Variants in CTNNA3 observed in about 807,000 individuals in gnomAD.
CTNNA3 encodes catenin alpha-3.
In CTNNA3, 76 loss-of-function variants were observed where a neutral mutation model predicts 95.7. That is an observed-to-expected ratio of 0.79 (90% CI 0.66 to 0.96). The LOEUF is 0.96. Ranked by LOEUF, CTNNA3 falls within the 40% of genes least tolerant of loss-of-function variation. The pLI, the probability that CTNNA3 is intolerant of heterozygous loss-of-function variation, is 0.00. For synonymous variants in CTNNA3, 431 were observed against 374.4 expected, an observed-to-expected ratio of 1.15 and a Z score of -1.74; for missense variants, 1,191 against 1,089.8, an observed-to-expected ratio of 1.09 and a Z score of -1.31.
intron 17 of CTNNA3, among the ~76,000 whole-genome samples, chr10:65,961,208 T>C (rs1670169): frequency 0.33 from 50,155 of 151,948 alleles, 8,482 homozygotes; most frequent in Admixed American, 0.42. Flanking sequence ...AAGTATCTCT[T>C]TCTTTCTTTC....
chr10:66,143,470 C>G (rs1640689885), intron 13 of CTNNA3, among the ~76,000 whole-genome samples: 1 of 152,130 alleles, frequency 6.6e-6, no homozygotes, highest in Admixed American at 6.6e-5. Context: ...TCAAATATAT[C>G]ATCCCTCTGT....
At chr10:67,164,776 A>G (rs1312175758) in intron 7 of CTNNA3, among the ~76,000 whole-genome samples, 1 of 152,190 alleles carries the variant, frequency 6.6e-6, no homozygotes, top group Non-Finnish European at 1.5e-5. Flanking sequence ...ACAGCAAATA[A>G]ACACATGAAA....
chr10:67,053,806 T>C (rs1408941624), intron 7 of CTNNA3, among the ~76,000 whole-genome samples: 1 of 152,200 alleles, frequency 6.6e-6, no homozygotes, highest in East Asian at 1.9e-4. Context: ...CCCATTGAGA[T>C]TAATCTTTTG....
At chr10:66,399,984 T>A (rs1386673533) in intron 11 of CTNNA3, among the ~76,000 whole-genome samples, 1 of 152,004 alleles carries the variant, frequency 6.6e-6, no homozygotes, top group Non-Finnish European at 1.5e-5. Flanking sequence ...AATATAATAA[T>A]AATTTACAAT....
intron 15 of CTNNA3, among the ~76,000 whole-genome samples, chr10:66,049,343 T>C (rs1332639877): frequency 6.6e-6 from 1 of 152,038 alleles, no homozygotes; most frequent in African/African-American, 2.4e-5. Context: ...TTAGTGGGAG[T>C]GTAAATTAGT....
At chr10:67,309,034 C>T (rs989028679) in intron 5 of CTNNA3, among the ~76,000 whole-genome samples, 1 of 152,096 alleles carries the variant, frequency 6.6e-6, no homozygotes, top group Non-Finnish European at 1.5e-5. Flanking sequence ...GAGGATGTTA[C>T]TTCATTTTGT....
intron 17 of CTNNA3, among the ~76,000 whole-genome samples, chr10:65,937,300 C>A (rs532032225): frequency 6.6e-6 from 1 of 152,048 alleles, no homozygotes. Context: ...TAATTACTTT[C>A]CTGTTTTACA....
chr10:67,025,330 C>CAA (rs200578879), intron 7 of CTNNA3, among the ~76,000 whole-genome samples: 4 of 138,446 alleles, frequency 2.9e-5, no homozygotes, highest in Admixed American at 2.2e-4. Context: ...TAAGCCCATG[C>CAA]AAAAAAAAAA....
rs1402402526 is a variant in CTNNA3 at position 67,620,923 on chromosome 10, G to GTGTATATATATATATATATA, written c.100-13875_100-13874insTATATATATATATATATACA. ...TGTATATGTGTGTGTGTGTGTGTGT[G>GTGTATATATATATATATATA]TATATATATATATATATATATATAT... On this transcript the variant is annotated intron_variant, in intron 2 of 17. Coordinates refer to ENST00000433211, the MANE Select transcript of CTNNA3 (RefSeq NM_013266.4). 9.5e-4 allele frequency among the ~76,000 whole-genome samples: 118 copies of GTGTATATATATATATATATA among 123,758 alleles called. 1 individual carries two copies. The highest frequency in any genetic ancestry group is 1.2e-3 in the Non-Finnish European group (71 of 58,964). The allele number at this position is 123,758 out of a possible 152,430, so 81.2% of individuals were successfully genotyped here. A position where few individuals can be genotyped will look rare whatever the true frequency, so the allele number is the denominator to read the frequency against.
At chr10:66,906,328 C>T (rs1343285155) in intron 7 of CTNNA3, among the ~76,000 whole-genome samples, 6 of 152,080 alleles carry the variant, frequency 3.9e-5, no homozygotes. Flanking sequence ...AAACTCTATG[C>T]CTAGAAATAG....
intron 11 of CTNNA3, among the ~76,000 whole-genome samples, chr10:66,424,405 T>C (rs2093222093): frequency 6.6e-6 from 1 of 152,082 alleles, no homozygotes; most frequent in African/African-American, 2.4e-5. Flanking sequence ...TGTCCCTTTT[T>C]CTTAGTTTTA....
intron 7 of CTNNA3, among the ~76,000 whole-genome samples, chr10:67,010,813 C>T (rs1375998473): frequency 6.6e-6 from 1 of 152,148 alleles, no homozygotes; most frequent in Non-Finnish European, 1.5e-5. Context: ...TTTGTATGCC[C>T]AGTTCTCAGC....
intron 2 of CTNNA3, among the ~76,000 whole-genome samples, chr10:67,613,573 G>A (rs1282800405): frequency 1.3e-5 from 2 of 151,950 alleles, no homozygotes; most frequent in Admixed American, 6.6e-5. Flanking sequence ...GTTTAGTTGG[G>A]GTCTGATCAG....
intron 9 of CTNNA3, among the ~76,000 whole-genome samples, chr10:66,666,020 A>G (rs1447894138): frequency 6.6e-6 from 1 of 152,180 alleles, no homozygotes; most frequent in Non-Finnish European, 1.5e-5. Flanking sequence ...TTAGCTTTCT[A>G]GAACTAGAAA....
intron 7 of CTNNA3, among the ~76,000 whole-genome samples, chr10:66,912,677 A>G (rs1846272050): frequency 6.6e-6 from 1 of 152,138 alleles, no homozygotes; most frequent in Admixed American, 6.5e-5. Context: ...ACGGTAGTAA[A>G]AAATATTTTT....
At chr10:66,297,120 A>C (rs2091792068) in intron 12 of CTNNA3, among the ~76,000 whole-genome samples, 1 of 152,172 alleles carries the variant, frequency 6.6e-6, no homozygotes. Context: ...CTATGAGTTT[A>C]TGTGTGAACT....
rs544043522 is a variant in CTNNA3 at position 65,966,621 on chromosome 10, G to A, written c.2391C>T (p.Ile797=). ...AEIQNLGGEL[I]MSALDSVTSL... ...GCTAGGCAGTACTCACAGCTGACAT[G>A]ATGAGCTCTCCTCCCAGGTTCTGGA... is the stretch of plus-strand genomic sequence containing the variant. The change falls in exon 17 of 18, where the codon ATC becomes ATT. Residue 797 remains isoleucine (I), a synonymous_variant. Coordinates refer to ENST00000433211, the MANE Select transcript of CTNNA3 (RefSeq NM_013266.4). 3.1e-6 allele frequency: 5 copies of A among 1,613,618 alleles called. No individual in the cohort carries two copies. In the South Asian group the frequency reaches 3.3e-5, roughly 11 times the overall value.
intron 1 of CTNNA3, among the ~76,000 whole-genome samples, chr10:67,747,946 G>A (rs892807810): frequency 5.9e-5 from 9 of 152,174 alleles, no homozygotes; most frequent in Non-Finnish European, 1.3e-4. Flanking sequence ...AACATAGCAC[G>A]AGAACTTTGT....
At chr10:67,276,524 G>T (rs1049881914) in intron 5 of CTNNA3, among the ~76,000 whole-genome samples, 1 of 151,998 alleles carries the variant, frequency 6.6e-6, no homozygotes, top group African/African-American at 2.4e-5. Context: ...ATAAATTATA[G>T]TATATCCACA....
Sources: gnomAD v4.1 joint callset for allele counts (sites outside exome capture counted in the v4.1 genomes callset) on GRCh38, gnomAD v4.1.1 for gene constraint, MANE v1.5 for transcripts, NCBI Gene and HGNC (gene_info 2026-07-23, HGNC 2026-07-21) for gene names.